ATP2B2: variants seen among roughly 807,000 people sequenced by gnomAD.
The protein encoded by ATP2B2 is plasma membrane calcium-transporting ATPase 2.
In ATP2B2, 15 loss-of-function variants were observed where a neutral mutation model predicts 120.0. The ratio of observed to expected loss-of-function variants is 0.12; its 90% CI spans 0.08 to 0.19. The LOEUF is 0.19. Among genes scored for constraint, ATP2B2 ranks in the 10% least tolerant of loss-of-function variants. The pLI, the probability that ATP2B2 is intolerant of heterozygous loss-of-function variation, is 1.00. For missense variants in ATP2B2, 1,045 were observed against 1,719.8 expected, an observed-to-expected ratio of 0.61 and a Z score of 6.94; for synonymous variants, 694 against 700.3, an observed-to-expected ratio of 0.99 and a Z score of 0.14.
intron 2 of ATP2B2, among the ~76,000 whole-genome samples, chr3:10,596,710 G>A (rs2068772536): frequency 6.6e-6 from 1 of 152,198 alleles, no homozygotes; most frequent in African/African-American, 2.4e-5. Flanking sequence ...AGAGAACCAG[G>A]GTTTCCTGAA....
In ATP2B2 at chr3:10,378,405, G is replaced by T; in HGVS notation, c.1048C>A (p.Gln350Lys). Residue 350 changes from glutamine (Q) to lysine (K), a missense_variant, in exon 10 of 23, where the codon CAA becomes AAA. Gln to Lys is a moderately conservative substitution (Grantham distance 53). Around this residue, in one of 11 missense-constraint regions of ATP2B2, gnomAD observed 145 missense variants for 202.0 expected, o/e 0.72. Coordinates refer to ENST00000360273, the MANE Select transcript of ATP2B2 (RefSeq NM_001001331.4). ...NVDASQSKAKQQDGAAAMEMQ... is the reference protein window; with the variant it reads ...NVDASQSKAKKQDGAAAMEMQ... Reference sequence around the variant, plus strand: ...TCCATGGCGGCTGCCCCGTCCTGTTGTTTGGCTGCAGGGGGCAGATCACGC... The same window carrying T: ...TCCATGGCGGCTGCCCCGTCCTGTTTTTTGGCTGCAGGGGGCAGATCACGC... The T allele has an allele frequency of 6.2e-7, 1 of 1,601,046 alleles. No individual in the cohort carries two copies.
At chr3:10,379,380 A>AT (rs1192940952) in intron 8 of ATP2B2, 96 bp from the exon 9 acceptor site, 17 of 1,381,270 alleles carry the variant, frequency 1.2e-5, no homozygotes, top group Middle Eastern at 1.8e-4. Flanking sequence ...AATGTCACAG[A>AT]TGAAGGGCGG....
chr3:10,596,132 A>G (rs557341964), intron 2 of ATP2B2, among the ~76,000 whole-genome samples: 1 of 151,876 alleles, frequency 6.6e-6, no homozygotes, highest in Non-Finnish European at 1.5e-5. Context: ...AACCACATCA[A>G]CCTTGCTCTT....
chr3:10,501,726 G>A (rs1010595777), intron 1 of ATP2B2, among the ~76,000 whole-genome samples: 1 of 152,120 alleles, frequency 6.6e-6, no homozygotes, highest in East Asian at 1.9e-4. Context: ...GAGGAAATGA[G>A]TTTCAGTCTC....
chr3:10,380,173 A>T (rs2125543119), intron 8 of ATP2B2, among the ~76,000 whole-genome samples: 1 of 152,268 alleles, frequency 6.6e-6, no homozygotes, highest in African/African-American at 2.4e-5. Flanking sequence ...GACTCATCAG[A>T]GCTGCCTGGG....
intron 1 of ATP2B2, among the ~76,000 whole-genome samples, chr3:10,622,676 C>G (rs1453513175): frequency 6.6e-6 from 1 of 152,206 alleles, no homozygotes; most frequent in East Asian, 1.9e-4. Context: ...ACTTCTCACC[C>G]TGGATCCTCT....
rs1471974208 is a variant in ATP2B2 at position 10,343,364 on chromosome 3, C to T, written c.2704-399G>A. ...CTCCTCCCCCCACTGCCTCCTCCCC[C>T]TCGGGCTTTCTATCCTACAAACAGT... On this transcript the variant is annotated intron_variant, in intron 18 of 22. Coordinates refer to ENST00000360273, the MANE Select transcript of ATP2B2 (RefSeq NM_001001331.4). This position sits in a 1 kb window ranked among gnomAD's most constrained non-coding sequence, Gnocchi z 4.2. 1.3e-5 allele frequency among the ~76,000 whole-genome samples: 2 copies of T among 151,788 alleles called. No individual in the cohort carries two copies. The highest frequency in any genetic ancestry group is 1.3e-4 in the Admixed American group (2 of 15,250).
intron 2 of ATP2B2, among the ~76,000 whole-genome samples, chr3:10,420,658 G>T (rs1017200025): frequency 6.6e-6 from 1 of 152,202 alleles, no homozygotes; most frequent in East Asian, 1.9e-4. Context: ...CACCACGCCC[G>T]GCCTGGGCCT....
At chr3:10,497,186 G>T (rs762040510) in intron 1 of ATP2B2, among the ~76,000 whole-genome samples, 2 of 152,226 alleles carry the variant, frequency 1.3e-5, no homozygotes, top group Admixed American at 6.5e-5. Flanking sequence ...GTGGATCCCT[G>T]AAGCACTGGT....
intron 2 of ATP2B2, among the ~76,000 whole-genome samples, chr3:10,586,091 A>T (rs931010945): frequency 4.6e-5 from 7 of 152,180 alleles, no homozygotes; most frequent in Admixed American, 4.6e-4. Flanking sequence ...TTTATTAGTC[A>T]AAGATATTTT....
intron 1 of ATP2B2, among the ~76,000 whole-genome samples, chr3:10,686,561 G>A (rs2071530246): frequency 6.6e-6 from 1 of 152,056 alleles, no homozygotes. Flanking sequence ...GGCTGAGGCA[G>A]GAGAATGGCA....
chr3:10,569,000 A>T lies in ATP2B2; in HGVS notation c.-414-34867T>A, dbSNP rs116393373. ...ATATAACTTCTGCAGCTGCTGCTAT[A>T]TGCAGACTCTTCCCCATCTCGATGG... On this transcript the variant is annotated intron_variant, in intron 2 of 21. Coordinates refer to the ATP2B2 transcript ENST00000646379. Among the ~76,000 whole-genome samples the T allele has an allele frequency of 8.9e-3, 1,356 of 152,352 alleles. 20 individuals are homozygous for T. Among genetic ancestry groups the T allele is most frequent in the African/African-American group, 0.031 (1,301 of 41,572 alleles).
intron 1 of ATP2B2, among the ~76,000 whole-genome samples, chr3:10,468,358 C>T (rs1343853560): frequency 6.6e-6 from 1 of 152,216 alleles, no homozygotes; most frequent in Non-Finnish European, 1.5e-5. Flanking sequence ...GCAGCCCCTT[C>T]CTGTTTGGAA....
chr3:10,388,218 CAA>C, intron 6 of ATP2B2, 57 bp downstream of exon 6: 2 of 1,431,742 alleles, frequency 1.4e-6, no homozygotes, highest in Non-Finnish European at 1.9e-6. Context: ...AACAAATAAA[CAA>C]AAAAAAAATG....
At chr3:10,499,259 A>T (rs1301089469) in intron 1 of ATP2B2, among the ~76,000 whole-genome samples, 1 of 152,188 alleles carries the variant, frequency 6.6e-6, no homozygotes, top group Non-Finnish European at 1.5e-5. Context: ...TACAGGCAAG[A>T]AAACATCCGC....
intron 1 of ATP2B2, among the ~76,000 whole-genome samples, chr3:10,656,600 C>A (rs1465993765): frequency 6.6e-6 from 1 of 152,232 alleles, no homozygotes; most frequent in African/African-American, 2.4e-5. Context: ...TACTTTGTGT[C>A]AGGCACTGCT....
intron 1 of ATP2B2, among the ~76,000 whole-genome samples, chr3:10,489,316 T>C (rs541075635): frequency 5.9e-5 from 9 of 152,316 alleles, no homozygotes; most frequent in African/African-American, 2.2e-4. Context: ...CACAGGGCAG[T>C]GAACAGATCT....
intron 3 of ATP2B2, among the ~76,000 whole-genome samples, chr3:10,409,272 G>A (rs906184436): frequency 1.3e-5 from 2 of 152,258 alleles, no homozygotes; most frequent in South Asian, 2.1e-4. Flanking sequence ...CAGAATTCTC[G>A]TAAAGAGAAA....
chr3:10,385,996 A>G (rs768657200), intron 7 of ATP2B2, among the ~76,000 whole-genome samples: 1 of 152,242 alleles, frequency 6.6e-6, no homozygotes, highest in Non-Finnish European at 1.5e-5. Flanking sequence ...ATTTTTCTTA[A>G]TTTAGAAATT....
Sources: allele counts gnomAD v4.1 joint callset (sites outside exome capture counted in the v4.1 genomes callset), GRCh38; gene constraint gnomAD v4.1.1; regional missense constraint gnomAD v4.1.1; non-coding constraint Gnocchi (gnomAD v3.1); transcripts MANE v1.5; gene names NCBI Gene and HGNC (gene_info 2026-07-23, HGNC 2026-07-21).